The following UNC45A variants were observed in gnomAD, a reference collection of about 807,000 sequenced individuals.
UNC45A encodes the protein unc-45 myosin chaperone A, also known as protein unc-45 homolog A.
In UNC45A, 78 loss-of-function variants were observed where a neutral mutation model predicts 103.2. That is an observed-to-expected ratio of 0.76 (90% confidence interval 0.63 to 0.91). The LOEUF is 0.91. UNC45A is among the 40% of genes least tolerant of loss of function. The pLI is 0.00. For missense variants in UNC45A, 1,193 were observed against 1,224.8 expected (o/e 0.97, Z 0.39); for synonymous variants, 495 against 504.6 (o/e 0.98, Z 0.25).
intron 3 of UNC45A, 129 bp downstream of exon 3, chr15:90,936,111 T>C: frequency 1.3e-6 from 2 of 1,524,932 alleles, no homozygotes; most frequent in Non-Finnish European, 1.8e-6. Flanking sequence ...TCTTTCCCAC[T>C]GCCTCGGGCC....
At chr15:90,938,629 G>T (rs970066668) in intron 4 of UNC45A, among the ~76,000 whole-genome samples, 1 of 152,008 alleles carries the variant, frequency 6.6e-6, no homozygotes, top group African/African-American at 2.4e-5. Context: ...TCTGGGGGGT[G>T]GGGGAGTAGG....
At chr15:90,944,848 G>A in intron 8 of UNC45A, 44 bp from the exon 9 acceptor site, 1 of 1,583,934 alleles carries the variant, frequency 6.3e-7, no homozygotes, top group Non-Finnish European at 8.6e-7. Flanking sequence ...TACTTGTAGG[G>A]GTTGGAACTA....
chr15:90,954,077 A>C lies in UNC45A; in HGVS notation c.*361A>C. 1 of 304,682 alleles carries C rather than the reference A, an allele frequency of 3.3e-6. No homozygotes were observed. Among genetic ancestry groups the C allele is most frequent in the Non-Finnish European group, 6.4e-6 (1 of 155,382 alleles). The allele number at this position is 304,682 out of a possible 1,614,324, so 18.9% of individuals were successfully genotyped here. A position where few individuals can be genotyped will look rare whatever the true frequency, so the allele number is the denominator to read the frequency against. Reference sequence around the variant, plus strand: ...GCTATCAGGCCTGCCCCTCCAATAAAAGTGTGTAGAACTCCACTGTGTGCC... The same window carrying C: ...GCTATCAGGCCTGCCCCTCCAATAACAGTGTGTAGAACTCCACTGTGTGCC... On this transcript the variant is annotated 3_prime_UTR_variant, in exon 20 of 20. Transcript: ENST00000418476.
Position 90,949,419 on chromosome 15 carries a change from G to C in UNC45A, c.1982G>C (p.Ser661Thr). The C allele has an allele frequency of 2.5e-6, 4 of 1,613,838 alleles. No individual in the cohort carries two copies. Among genetic ancestry groups the C allele is most frequent in the Non-Finnish European group, 3.4e-6 (4 of 1,180,028 alleles). ...MVKTESPVLT[S>T]SCRELLSRVF... Reference sequence around the variant, plus strand: ...AAGACGGAGAGCCCTGTGCTGACCAGTTCCTGCAGAGAGCTGCTCTCCAGG... The same window carrying C: ...AAGACGGAGAGCCCTGTGCTGACCACTTCCTGCAGAGAGCTGCTCTCCAGG... Residue 661 changes from serine (S) to threonine (T), a missense_variant, in exon 14 of 20, where the codon AGT becomes ACT. Transcript: ENST00000418476.
intron 14 of UNC45A, 96 bp downstream of exon 14, chr15:90,949,539 C>G: frequency 1.3e-6 from 2 of 1,599,314 alleles, no homozygotes; most frequent in East Asian, 2.2e-5. Context: ...TGCTGTGGGC[C>G]TCTTAGAGCG....
Position 90,953,187 on chromosome 15 carries a change from C to T in UNC45A, c.2454C>T (p.Asp818=), listed in dbSNP as rs757271469. ...ACCTCTTCGAAGCCCAGGGCAATGA[C>T]CGACTGAAGCTGCTGGTGCTGTACA... ...VQDLFEAQGN[D]RLKLLVLYSG... Residue 818 remains aspartate (D), a synonymous_variant, in exon 19 of 20, where the codon GAC becomes GAT. Coordinates refer to ENST00000418476, the MANE Select transcript of UNC45A (RefSeq NM_018671.5). 4 of 1,613,800 alleles carry T rather than the reference C, an allele frequency of 2.5e-6. No homozygotes were observed. In the South Asian group the frequency reaches 3.3e-5, roughly 13 times the overall value.
chr15:90,934,071 C>T (rs965352860), upstream of UNC45A: 6 of 399,142 alleles, frequency 1.5e-5, no homozygotes, highest in Middle Eastern at 1.3e-3. Context: ...AGGCCCCTTG[C>T]TGACAGGCCT....
intron 4 of UNC45A, among the ~76,000 whole-genome samples, chr15:90,938,797 G>T (rs562495317): frequency 3.3e-5 from 5 of 151,972 alleles, no homozygotes; most frequent in Non-Finnish European, 7.4e-5. Context: ...TCAGCCTCCC[G>T]AGTAGCTGGG....
chr15:90,939,624 A>G, intron 4 of UNC45A, 107 bp from the exon 5 acceptor site: 1 of 1,215,008 alleles, frequency 8.2e-7, no homozygotes, highest in Admixed American at 1.9e-5. Context: ...GAGCCTGGAC[A>G]TCTTTACTGT....
At chr15:90,942,861 A>G in intron 7 of UNC45A, 51 bp from the exon 8 acceptor site, 1 of 1,554,676 alleles carries the variant, frequency 6.4e-7, no homozygotes, top group Non-Finnish European at 8.7e-7. Flanking sequence ...TGAAGGGTCA[A>G]ACTGGGCTGG....
rs1208258019 is a variant in UNC45A at position 90,935,366 on chromosome 15, C to A, written c.42C>A (p.Ala14=). 3 of 1,601,224 alleles carry A rather than the reference C, an allele frequency of 1.9e-6. No homozygotes were observed. Among genetic ancestry groups the A allele is most frequent in the Admixed American group, 1.7e-5 (1 of 58,732 alleles). ...SGPGTPEPRP[A]TPGASSVEQL... ...CAGGGACCCCCGAGCCCCGGCCGGC[C>A]ACCCCCGGGGTGCGTACCCAACCCC... Residue 14 remains alanine, a synonymous_variant, in exon 1 of 20, where the codon GCC becomes GCA. Transcript: ENST00000418476.
chr15:90,935,700 A>G lies in UNC45A; in HGVS notation c.208A>G (p.Lys70Glu), dbSNP rs1168796275. 1 of 1,556,756 alleles carries G rather than the reference A, an allele frequency of 6.4e-7. No individual in the cohort carries two copies. The highest frequency in any genetic ancestry group is 2.3e-5 in the East Asian group (1 of 44,140). Residue 70 changes from lysine to glutamate, a missense_variant, in exon 2 of 20, where the codon AAG becomes GAG. Lys to Glu is a moderately conservative substitution (Grantham distance 56). Transcript: ENST00000418476. ...LHRNRAACHL[K>E]LEDYDKAETE... ...CCGGAACCGGGCCGCCTGCCACCTCAAGCTGGTGAGGGAGCCTGGCGCTCT... is the reference window on the plus strand; with the variant it reads ...CCGGAACCGGGCCGCCTGCCACCTCGAGCTGGTGAGGGAGCCTGGCGCTCT...
chr15:90,944,112 C>T (rs985103186), intron 8 of UNC45A, among the ~76,000 whole-genome samples: 3 of 143,156 alleles, frequency 2.1e-5, no homozygotes, highest in Non-Finnish European at 4.5e-5. Flanking sequence ...AAGAGCTGGG[C>T]GTGGTGCCTC....
chr15:90,949,265 T>G (rs762392991), intron 13 of UNC45A, 51 bp from the exon 14 acceptor site: 1 of 1,579,614 alleles, frequency 6.3e-7, no homozygotes, highest in East Asian at 2.2e-5. Flanking sequence ...AGGGTCCCCC[T>G]TTCTCTGTGA....
rs1326067399 is a variant in UNC45A, at chr15:90,950,208, C to G, written c.2128C>G (p.Gln710Glu). ...GTDVGQTKAA[Q>E]ALAKLTITSN... ...GGACGTGGGGCAGACAAAGGCAGCC[C>G]AGGCCCTTGCCAAGCTCACCATCAC... Residue 710 changes from glutamine (Q) to glutamate (E), a missense_variant, in exon 16 of 20, where the codon CAG (glutamine) becomes GAG (glutamate). Gln to Glu is a conservative substitution (Grantham distance 29). Coordinates refer to ENST00000418476, the MANE Select transcript of UNC45A (RefSeq NM_018671.5). 6.4e-7 allele frequency: 1 copy of G among 1,551,744 alleles called. No individual in the cohort carries two copies. The highest frequency in any genetic ancestry group is 1.2e-5 in the South Asian group (1 of 84,064).
chr15:90,952,864 A>G, intron 17 of UNC45A, 65 bp from the exon 18 acceptor site: 1 of 1,474,838 alleles, frequency 6.8e-7, no homozygotes, highest in Non-Finnish European at 9.3e-7. Flanking sequence ...TTATAGTTCA[A>G]CATGAGGGTT....
intron 4 of UNC45A, 73 bp from the exon 5 acceptor site, chr15:90,939,658 G>T: frequency 6.6e-7 from 1 of 1,520,894 alleles, no homozygotes; most frequent in South Asian, 1.1e-5. Context: ...AGGAGCTGGA[G>T]ACAAATGAAT....
chr15:90,936,870 G>A (rs187468575), intron 4 of UNC45A, among the ~76,000 whole-genome samples: 6 of 152,326 alleles, frequency 3.9e-5, no homozygotes, highest in African/African-American at 1.2e-4. Context: ...AAGTAGACAT[G>A]TGTATGTTTA....
chr15:90,946,715 A>T lies in UNC45A; in HGVS notation c.1301A>T (p.Glu434Val), dbSNP rs565532587. The T allele has an allele frequency of 6.2e-7, 1 of 1,613,270 alleles. No homozygotes were observed. The highest frequency in any genetic ancestry group is 1.7e-5 in the Admixed American group (1 of 60,022). The change falls in exon 10 of 20, where the codon GAG (glutamate) becomes GTG (valine). Residue 434 changes from glutamate to valine, a missense_variant. Physicochemically the swap from Glu to Val is moderately radical, Grantham distance 121. Coordinates refer to ENST00000418476, the MANE Select transcript of UNC45A (RefSeq NM_018671.5). ...TGTGACGCTGGCAACCGGGCCTTGGAGCTGAGCGGTGTCATGGAGAGTGTG... is the reference window on the plus strand; with the variant it reads ...TGTGACGCTGGCAACCGGGCCTTGGTGCTGAGCGGTGTCATGGAGAGTGTG... ...GPCDAGNRAL[E>V]LSGVMESVIA...
Sources: gnomAD v4.1 joint callset for allele counts (sites outside exome capture counted in the v4.1 genomes callset) on GRCh38, gnomAD v4.1.1 for gene constraint, MANE v1.5 for transcripts, NCBI Gene and HGNC (gene_info 2026-07-23, HGNC 2026-07-21) for gene names.